Variants in SOS2 observed in about 807,000 individuals in gnomAD.
SOS2 encodes son of sevenless homolog 2.
Under a neutral mutation model 148.2 loss-of-function variants are expected in SOS2, and 65 were observed. The ratio of observed to expected loss-of-function variants is 0.44; its 90% CI spans 0.36 to 0.54. SOS2 has a LOEUF of 0.54. Among genes scored for constraint, SOS2 ranks in the 20% least tolerant of loss-of-function variants. The pLI is 0.00. For missense variants in SOS2, 1,341 were observed against 1,590.2 expected, an observed-to-expected ratio of 0.84 and a Z score of 2.67; for synonymous variants, 539 against 537.1, an observed-to-expected ratio of 1.00 and a Z score of -0.05.
intron 21 of SOS2, among the ~76,000 whole-genome samples, chr14:50,125,815 G>C (rs535754285): frequency 6.6e-6 from 1 of 152,150 alleles, no homozygotes; most frequent in Non-Finnish European, 1.5e-5. Context: ...ACCTCTGTAG[G>C]AGACTGGCAG....
intron 1 of SOS2, among the ~76,000 whole-genome samples, chr14:50,206,218 A>C (rs1360212050): frequency 6.6e-6 from 1 of 152,012 alleles, no homozygotes; most frequent in Non-Finnish European, 1.5e-5. Context: ...ATTTTTGTCA[A>C]CCTTTCTTTT....
intron 8 of SOS2, among the ~76,000 whole-genome samples, chr14:50,161,974 CA>C (rs1885025291): frequency 6.6e-6 from 1 of 151,762 alleles, no homozygotes; most frequent in Non-Finnish European, 1.5e-5. Flanking sequence ...TGGTCTTGAA[CA>C]CCTGCTCAAG....
chr14:50,218,522 C>T (rs1404946034), intron 1 of SOS2, among the ~76,000 whole-genome samples: 1 of 151,234 alleles, frequency 6.6e-6, no homozygotes, highest in East Asian at 1.9e-4. Flanking sequence ...GACTCCATCC[C>T]CCCAAAAAAA....
chr14:50,221,923 T>A (rs1190559888), intron 1 of SOS2, among the ~76,000 whole-genome samples: 2 of 152,132 alleles, frequency 1.3e-5, no homozygotes, highest in Non-Finnish European at 2.9e-5. Flanking sequence ...ATATGTAGAC[T>A]TTTTTGTTGT....
intron 2 of SOS2, among the ~76,000 whole-genome samples, chr14:50,202,866 AGTT>A (rs1389352768): frequency 6.6e-6 from 1 of 152,006 alleles, no homozygotes; most frequent in Non-Finnish European, 1.5e-5. Context: ...TTATACTGAA[AGTT>A]GTTGTAGCTG....
At chr14:50,174,750 T>A (rs1439281772) in intron 7 of SOS2, among the ~76,000 whole-genome samples, 198 bp from the exon 8 acceptor site, 1 of 152,206 alleles carries the variant, frequency 6.6e-6, no homozygotes, top group East Asian at 1.9e-4. Context: ...ATTAGAGAAA[T>A]ATATACATTA....
At position 50,149,996 on chromosome 14, in the gene SOS2, T is replaced by C. The variant is rs770720095; in HGVS notation, c.2384+12A>G. 1 of 1,509,938 alleles carries C rather than the reference T, an allele frequency of 6.6e-7. No individual in the cohort carries two copies. The highest frequency in any genetic ancestry group is 1.4e-5 in the African/African-American group (1 of 73,070). 93.5% of individuals were successfully genotyped at this position (1,509,938 alleles called of 1,614,324 possible). ...TTAAAAATAAAGCAAGACATTAACA[T>C]TAATTGTCTACCTGTAAAGATCAGA... On this transcript the variant is annotated intron_variant, in intron 14 of 22. Transcript: ENST00000216373.
chr14:50,212,603 T>C (rs1180636455), intron 1 of SOS2, among the ~76,000 whole-genome samples: 3 of 152,246 alleles, frequency 2.0e-5, no homozygotes, highest in African/African-American at 7.2e-5. Context: ...AAACTGTATA[T>C]TTATCCTTTA....
intron 3 of SOS2, 51 bp from the exon 4 acceptor site, chr14:50,199,906 T>TA (rs1218084562): frequency 8.5e-7 from 1 of 1,178,914 alleles, no homozygotes. Context: ...TGTCAAGTAT[T>TA]ACACACTTAA....
chr14:50,120,300 A>C lies in SOS2; in HGVS notation c.3464T>G (p.Phe1155Cys). The C allele has an allele frequency of 1.9e-6, 3 of 1,599,512 alleles. No homozygotes were observed. The highest frequency in any genetic ancestry group is 1.7e-6 in the Non-Finnish European group (2 of 1,168,214). ...IPPPLPPRKK[F>C]DHDASNSKGN... The stretch of plus-strand genomic sequence containing the variant: ...CTTGGAATTTGAAGCATCATGATCA[A>C]ACTTTTTTCGAGGAGGAAGAGGAGG... The change falls in exon 22 of 23, where the codon TTT becomes TGT. Residue 1155 changes from phenylalanine to cysteine, a missense_variant. Phe to Cys is a radical substitution (Grantham distance 205). Coordinates refer to ENST00000216373, the MANE Select transcript of SOS2 (RefSeq NM_006939.4).
intron 19 of SOS2, among the ~76,000 whole-genome samples, chr14:50,133,557 T>C (rs1883976977): frequency 6.6e-6 from 1 of 152,196 alleles, no homozygotes; most frequent in Non-Finnish European, 1.5e-5. Context: ...TGAGATAGCA[T>C]GAAACTACCT....
chr14:50,188,854 G>A (rs1886012501), intron 4 of SOS2, among the ~76,000 whole-genome samples, 154 bp from the exon 5 acceptor site: 1 of 152,156 alleles, frequency 6.6e-6, no homozygotes, highest in Non-Finnish European at 1.5e-5. Context: ...CTTGAGGTCA[G>A]GAGTTCAAGG....
chr14:50,128,330 A>G (rs1883749541), intron 21 of SOS2, among the ~76,000 whole-genome samples: 1 of 152,212 alleles, frequency 6.6e-6, no homozygotes, highest in African/African-American at 2.4e-5. Context: ...CGAAAAGAAA[A>G]GAAAAAGGAA....
chr14:50,231,263 A>C lies in SOS2; in HGVS notation c.21T>G (p.Pro7=), dbSNP rs1202690144. 6.7e-7 allele frequency: 1 copy of C among 1,484,816 alleles called. No homozygotes were observed. Among genetic ancestry groups the C allele is most frequent in the Non-Finnish European group, 9.1e-7 (1 of 1,104,162 alleles). 92.0% of individuals were successfully genotyped at this position (1,484,816 alleles called of 1,614,324 possible). MQQAPQ[P]YEFFSEENSP... is the part of the protein sequence containing the mutation. The stretch of plus-strand genomic sequence containing the variant: ...TGTTCTCCTCGCTGAAGAACTCGTA[A>C]GGCTGCGGCGCCTGCTGCATGGCCC... Residue 7 remains proline, a synonymous_variant, in exon 1 of 23, where the codon CCT becomes CCG. Coordinates refer to ENST00000216373, the MANE Select transcript of SOS2 (RefSeq NM_006939.4).
chr14:50,223,808 T>C lies in SOS2; in HGVS notation c.87+7389A>G, dbSNP rs192935291. Among the ~76,000 whole-genome samples, 310 of 152,176 alleles carry C rather than the reference T, an allele frequency of 2.0e-3. 2 individuals carry two copies. The highest frequency in any genetic ancestry group is 7.0e-3 in the African/African-American group (290 of 41,506). ...GTTAAGGCTATAGTGAGCTGTGATC[T>C]TGCCACTGCACTCCATCCTGGGTGA... On this transcript the variant is annotated intron_variant, in intron 1 of 22. Transcript: ENST00000216373.
At position 50,188,592 on chromosome 14, in the gene SOS2, T is replaced by A. The variant is rs773395515; in HGVS notation, c.619A>T (p.Ile207Phe). The A allele has an allele frequency of 6.2e-7, 1 of 1,608,654 alleles. No individual in the cohort carries two copies. The highest frequency in any genetic ancestry group is 8.5e-7 in the Non-Finnish European group (1 of 1,177,814). Residue 207 changes from isoleucine to phenylalanine, a missense_variant, in exon 5 of 23, where the codon ATC (isoleucine) becomes TTC (phenylalanine). Physicochemically the swap from Ile to Phe is conservative, Grantham distance 21. Coordinates refer to ENST00000216373, the MANE Select transcript of SOS2 (RefSeq NM_006939.4). ...CGTAGATACTGTCTTTCTTCTGCGA[T>A]TTCAGTTCTGACAAGATCATAGTAG... ...LNYYDLVRTE[I>F]AEERQYLREL... is the part of the protein sequence containing the mutation.
Position 50,174,571 on chromosome 14 carries a change from T to A in SOS2, c.970-19A>T, listed in dbSNP as rs369274700. ...CAATGGACTGCAAAGCAAAAAGATA[T>A]CACAGTATGTATGTCTCTGACATCA... On this transcript the variant is annotated intron_variant, in intron 7 of 22. Coordinates refer to ENST00000216373, the MANE Select transcript of SOS2 (RefSeq NM_006939.4). The A allele has an allele frequency of 2.0e-6, 3 of 1,476,228 alleles. No homozygotes were observed. In the South Asian group the frequency reaches 3.5e-5, roughly 17 times the overall value. The allele number at this position is 1,476,228 out of a possible 1,614,324, so 91.4% of individuals were successfully genotyped here.
At chr14:50,230,690 A>C (rs1400121334) in intron 1 of SOS2, 2 of 155,074 alleles carry the variant, frequency 1.3e-5, no homozygotes, top group African/African-American at 4.8e-5. Flanking sequence ...AGAACTGTAA[A>C]ATGAATAAGA....
chr14:50,219,773 T>G (rs559671721), intron 1 of SOS2, among the ~76,000 whole-genome samples: 16 of 152,280 alleles, frequency 1.1e-4, no homozygotes, highest in African/African-American at 2.9e-4. Flanking sequence ...CTAATCAAAG[T>G]GTATAATTAA....
Sources: allele counts gnomAD v4.1 joint callset (sites outside exome capture counted in the v4.1 genomes callset), GRCh38; gene constraint gnomAD v4.1.1; transcripts MANE v1.5; gene names NCBI Gene and HGNC (gene_info 2026-07-23, HGNC 2026-07-21).